The following RANBP3 variants were observed in gnomAD, a reference collection of about 807,000 sequenced individuals.
The protein encoded by RANBP3 is ran-binding protein 3.
A neutral mutation model predicts 77.3 loss-of-function variants in RANBP3; 14 were observed. The ratio of observed to expected loss-of-function variants is 0.18; its 90% CI spans 0.12 to 0.28. The LOEUF (loss-of-function observed/expected upper bound fraction) is 0.28. Ranked by LOEUF, RANBP3 falls within the 10% of genes least tolerant of loss-of-function variation. RANBP3 has a pLI of 1.00. For synonymous variants in RANBP3, 315 were observed against 312.4 expected (o/e 1.01, Z -0.09); for missense variants, 586 against 752.3 (o/e 0.78, Z 2.59).
At chr19:5,966,404 GCA>G (rs1260260338) in intron 1 of RANBP3, among the ~76,000 whole-genome samples, 1 of 152,150 alleles carries the variant, frequency 6.6e-6, no homozygotes, top group African/African-American at 2.4e-5. Flanking sequence ...ACATTCCAAG[GCA>G]CACACTCAAT....
intron 2 of RANBP3, among the ~76,000 whole-genome samples, chr19:5,957,391 C>G (rs556362052): frequency 6.6e-6 from 1 of 152,308 alleles, no homozygotes; most frequent in South Asian, 2.1e-4. Context: ...GGAGAAGCAG[C>G]CTCATGGACA....
chr19:5,933,752 G>A (rs2058027872), intron 5 of RANBP3: 2 of 367,640 alleles, frequency 5.4e-6, no homozygotes, highest in South Asian at 7.6e-5. Context: ...CCTCCCAGCT[G>A]TCTATGACCT....
intron 1 of RANBP3, among the ~76,000 whole-genome samples, chr19:5,973,140 ATTAG>A (rs2058549764): frequency 6.6e-6 from 1 of 152,214 alleles, no homozygotes; most frequent in Non-Finnish European, 1.5e-5. Context: ...AAATCCCAGA[ATTAG>A]TTTTTATAAT....
chr19:5,925,814 C>T, intron 9 of RANBP3, 77 bp from the exon 10 acceptor site: 2 of 1,216,802 alleles, frequency 1.6e-6, no homozygotes, highest in East Asian at 2.3e-5. Context: ...TCTGCAGACC[C>T]CCTGAGCTGC....
intron 1 of RANBP3, among the ~76,000 whole-genome samples, chr19:5,974,088 G>A (rs1023592211): frequency 2.0e-5 from 3 of 152,090 alleles, no homozygotes; most frequent in African/African-American, 7.2e-5. Flanking sequence ...TGACGACCCC[G>A]CGAGTGAGGG....
In RANBP3 at chr19:5,924,118, C is replaced by A. The variant is rs77540905; in HGVS notation, c.997-204G>T. ...GGTGAGTGCCACCAGCCGACAGTCCCCTCGAGCCACACTGGTCACTCCGTC... is the reference window on the plus strand; with the variant it reads ...GGTGAGTGCCACCAGCCGACAGTCCACTCGAGCCACACTGGTCACTCCGTC... On this transcript the variant is annotated intron_variant, in intron 11 of 16. Coordinates refer to ENST00000340578, the MANE Select transcript of RANBP3 (RefSeq NM_007322.3). This position sits in a 1 kb window ranked among gnomAD's most constrained non-coding sequence, Gnocchi z 4.7. Among the ~76,000 whole-genome samples, 3,016 of 152,302 alleles carry A rather than the reference C, an allele frequency of 0.02. 100 individuals carry two copies. Among genetic ancestry groups the A allele is most frequent in the African/African-American group, 0.069 (2,879 of 41,542 alleles).
chr19:5,953,087 C>G (rs868847127), intron 2 of RANBP3, among the ~76,000 whole-genome samples: 1 of 152,134 alleles, frequency 6.6e-6, no homozygotes, highest in Non-Finnish European at 1.5e-5. Context: ...ACAGGAGGAC[C>G]AAGAAGTAAG....
intron 5 of RANBP3, among the ~76,000 whole-genome samples, chr19:5,938,895 CA>C (rs2058098759): frequency 6.8e-6 from 1 of 147,928 alleles, no homozygotes; most frequent in African/African-American, 2.4e-5. Context: ...AAAGAAAAAA[CA>C]ATTATGGGCC....
At chr19:5,926,082 G>C (rs1387110041) in intron 9 of RANBP3, among the ~76,000 whole-genome samples, 1 of 152,146 alleles carries the variant, frequency 6.6e-6, no homozygotes, top group Non-Finnish European at 1.5e-5. Flanking sequence ...ACGTTTTGGG[G>C]GGTTTACTAT....
At position 5,932,456 on chromosome 19, in the gene RANBP3, C is replaced by T. The variant is rs745543097; in HGVS notation, c.561G>A (p.Gln187=). The change falls in exon 7 of 17, where the codon CAG becomes CAA. Residue 187 remains glutamine (Q), a synonymous_variant. Transcript: ENST00000340578. ...GCCAGGGCTGCTGTTTCTTACCAGTCTGGGACAGCGCCTTTGGCTGCGGAG... is the reference window on the plus strand; with the variant it reads ...GCCAGGGCTGCTGTTTCTTACCAGTTTGGGACAGCGCCTTTGGCTGCGGAG... ...LQAPQPKALS[Q]TVPSSGTNGV... is the part of the protein sequence containing the mutation. 1.9e-5 allele frequency: 30 copies of T among 1,613,656 alleles called. No homozygotes were observed. The highest frequency in any genetic ancestry group is 1.7e-5 in the Non-Finnish European group (20 of 1,179,936).
intron 3 of RANBP3, among the ~76,000 whole-genome samples, chr19:5,942,945 C>T (rs1187947488): frequency 1.3e-5 from 2 of 151,882 alleles, no homozygotes; most frequent in African/African-American, 4.8e-5. Flanking sequence ...GGAGGATCAC[C>T]TGAGCCCGGG....
intron 1 of RANBP3, among the ~76,000 whole-genome samples, chr19:5,973,719 C>G (rs1318479149): frequency 6.6e-6 from 1 of 152,186 alleles, no homozygotes; most frequent in African/African-American, 2.4e-5. Context: ...CTGAATGTGT[C>G]CAGAGCAGAG....
rs2057863614 is a variant in RANBP3, at chr19:5,923,886, G to A, written c.1025C>T (p.Ser342Leu). Residue 342 changes from serine (S) to leucine (L), a missense_variant, in exon 12 of 17, where the codon TCA becomes TTA. Around this residue, in one of 5 missense-constraint regions of RANBP3, gnomAD observed 232 missense variants for 271.7 expected, o/e 0.85. Coordinates refer to ENST00000340578, the MANE Select transcript of RANBP3 (RefSeq NM_007322.3). ...AGCTGCATTTTCCCTGTTGGCATCT[G>A]AACTGACCTCGTTTAATTTTGGGGG... ...LSPPKLNEVS[S>L]DANRENAAAE... is the part of the protein sequence containing the mutation. 2 of 1,614,042 alleles carry A rather than the reference G, an allele frequency of 1.2e-6. No individual in the cohort carries two copies. Among genetic ancestry groups the A allele is most frequent in the Non-Finnish European group, 1.7e-6 (2 of 1,180,022 alleles).
intron 1 of RANBP3, among the ~76,000 whole-genome samples, chr19:5,973,170 TTTCCA>T (rs1212444698): frequency 2.0e-5 from 3 of 152,172 alleles, no homozygotes; most frequent in Non-Finnish European, 4.4e-5. Context: ...CACGAGAAAC[TTTCCA>T]AAAGTTGTTT....
chr19:5,930,275 G>A (rs374193088), intron 8 of RANBP3, among the ~76,000 whole-genome samples: 2 of 152,262 alleles, frequency 1.3e-5, no homozygotes, highest in African/African-American at 2.4e-5. Flanking sequence ...GAAAAAGGGC[G>A]TGAGGATGTT....
intron 10 of RANBP3, 102 bp downstream of exon 10, chr19:5,925,532 G>A: frequency 1.0e-5 from 10 of 1,004,650 alleles, no homozygotes; most frequent in Non-Finnish European, 1.5e-5. Context: ...CTGGATTCTG[G>A]GCCTGAGTCG....
At chr19:5,972,615 T>C (rs1267338513) in intron 1 of RANBP3, among the ~76,000 whole-genome samples, 2 of 152,328 alleles carry the variant, frequency 1.3e-5, no homozygotes, top group African/African-American at 2.4e-5. Flanking sequence ...TGTGGTCCTC[T>C]GGTAAGTTTT....
chr19:5,916,830 A>T lies in RANBP3; in HGVS notation c.*780T>A, dbSNP rs1164497348. 2 of 152,206 alleles carry T rather than the reference A, an allele frequency of 1.3e-5. No homozygotes were observed. The highest frequency in any genetic ancestry group is 2.9e-5 in the Non-Finnish European group (2 of 68,104). 9.4% of individuals were successfully genotyped at this position (152,206 alleles called of 1,614,324 possible). Reference sequence around the variant, plus strand: ...CAGGCACTCTCCAGGCCTAGGACAGACAGGGCCCCAACTCCTCATCACCCC... The same window carrying T: ...CAGGCACTCTCCAGGCCTAGGACAGTCAGGGCCCCAACTCCTCATCACCCC... On this transcript the variant is annotated 3_prime_UTR_variant, in exon 17 of 17. Coordinates refer to ENST00000340578, the MANE Select transcript of RANBP3 (RefSeq NM_007322.3).
chr19:5,929,183 T>C (rs573116077), intron 8 of RANBP3, among the ~76,000 whole-genome samples: 2 of 152,360 alleles, frequency 1.3e-5, no homozygotes, highest in South Asian at 2.1e-4. Flanking sequence ...GTTTCTCTAC[T>C]GTGCTCCCTA....
Sources: gnomAD v4.1 joint callset for allele counts (sites outside exome capture counted in the v4.1 genomes callset) on GRCh38, gnomAD v4.1.1 for gene constraint, gnomAD v4.1.1 regional missense constraint, Gnocchi (gnomAD v3.1) non-coding constraint, MANE v1.5 for transcripts, NCBI Gene and HGNC (gene_info 2026-07-23, HGNC 2026-07-21) for gene names.